Variants in CCDC6 observed in about 807,000 individuals in gnomAD.
CCDC6 encodes coiled-coil domain containing 6, also known as coiled-coil domain-containing protein 6.
A neutral mutation model predicts 56.6 loss-of-function variants in CCDC6; 20 were observed. The observed-to-expected ratio is 0.35, with a 90% CI of 0.25 to 0.51. CCDC6 has a LOEUF of 0.51. CCDC6 is among the 20% of genes least tolerant of loss of function. The probability of loss-of-function intolerance (pLI) is 0.95; values close to 1 mark genes in which losing one functional copy is unlikely to be tolerated. For synonymous variants in CCDC6, 241 were observed against 234.4 expected, an observed-to-expected ratio of 1.03 and a Z score of -0.26; for missense variants, 367 against 601.1, an observed-to-expected ratio of 0.61 and a Z score of 4.07.
At chr10:59,793,178 C>G in intron 8 of CCDC6, 67 bp from the exon 9 acceptor site, 1 of 1,353,874 alleles carries the variant, frequency 7.4e-7, no homozygotes, top group East Asian at 2.4e-5. Context: ...CTAACACAGC[C>G]TGACTTGGCA....
intron 3 of CCDC6, among the ~76,000 whole-genome samples, chr10:59,822,054 C>T (rs1486765337): frequency 6.6e-6 from 1 of 152,142 alleles, no homozygotes. Context: ...ATGAGCTAAT[C>T]AACCTTCAGA....
At chr10:59,852,733 A>G in intron 1 of CCDC6, 31 bp from the exon 2 acceptor site, 1 of 1,483,288 alleles carries the variant, frequency 6.7e-7, no homozygotes, top group Non-Finnish European at 8.9e-7. Context: ...AAAGAACAAA[A>G]CAAAACACAT....
chr10:59,874,084 G>A (rs777188339), intron 1 of CCDC6, among the ~76,000 whole-genome samples: 10 of 149,968 alleles, frequency 6.7e-5, no homozygotes, highest in Admixed American at 1.3e-4. Flanking sequence ...TGTCCGAAGC[G>A]TAGACATTCA....
intron 6 of CCDC6, among the ~76,000 whole-genome samples, chr10:59,805,916 G>A (rs1009432792): frequency 1.3e-5 from 2 of 152,156 alleles, no homozygotes; most frequent in Non-Finnish European, 2.9e-5. Flanking sequence ...TAGAAACAGA[G>A]TACAGATGTG....
rs758353540 is a variant in CCDC6, at chr10:59,906,323, G to A, written c.102C>T (p.Gly34=). Reference sequence around the variant, plus strand: ...CGCCGCCGCCTCCCCCGCCGCCACCGCCGCCGCCCGAGGTCGACGAGCAGG... The same window carrying A: ...CGCCGCCGCCTCCCCCGCCGCCACCACCGCCGCCCGAGGTCGACGAGCAGG... ...QSSCSSTSGG[G]GGGGGGGGGG... The change falls in exon 1 of 9, where the codon GGC becomes GGT. Residue 34 remains glycine (G), a synonymous_variant. Coordinates refer to ENST00000263102, the MANE Select transcript of CCDC6 (RefSeq NM_005436.5). The A allele has an allele frequency of 6.2e-6, 10 of 1,600,430 alleles. No individual in the cohort carries two copies. The highest frequency in any genetic ancestry group is 4.5e-5 in the East Asian group (2 of 44,794).
chr10:59,828,750 A>G (rs915887855), intron 3 of CCDC6, among the ~76,000 whole-genome samples: 1 of 152,060 alleles, frequency 6.6e-6, no homozygotes, highest in African/African-American at 2.4e-5. Context: ...ACCAAGCCCA[A>G]CTCTGCAGCA....
At chr10:59,808,656 T>C (rs1244050532) in intron 5 of CCDC6, among the ~76,000 whole-genome samples, 1 of 152,242 alleles carries the variant, frequency 6.6e-6, no homozygotes, top group Non-Finnish European at 1.5e-5. Context: ...TGCTGTTCCA[T>C]ATTGTCAGTT....
At chr10:59,878,033 C>T (rs765101092) in intron 1 of CCDC6, among the ~76,000 whole-genome samples, 1 of 152,106 alleles carries the variant, frequency 6.6e-6, no homozygotes, top group Non-Finnish European at 1.5e-5. Context: ...AATTTAGATG[C>T]CATTTCAAAG....
At chr10:59,820,900 C>T (rs537325744) in intron 3 of CCDC6, among the ~76,000 whole-genome samples, 11 of 148,746 alleles carry the variant, frequency 7.4e-5, no homozygotes, top group Admixed American at 5.4e-4. Flanking sequence ...TAAGAAAACA[C>T]GAGAGTGTGT....
intron 7 of CCDC6, among the ~76,000 whole-genome samples, chr10:59,802,707 T>C (rs2070588622): frequency 6.6e-6 from 1 of 152,230 alleles, no homozygotes; most frequent in South Asian, 2.1e-4. Context: ...GGTCCCACTA[T>C]GGGAACAGGT....
intron 1 of CCDC6, among the ~76,000 whole-genome samples, chr10:59,880,744 T>A (rs375630575): frequency 7.9e-5 from 12 of 152,220 alleles, no homozygotes. Flanking sequence ...TGTCCACTAT[T>A]TAGGCCAGTT....
chr10:59,810,424 T>C (rs919850500), intron 5 of CCDC6, among the ~76,000 whole-genome samples: 5 of 152,134 alleles, frequency 3.3e-5, no homozygotes, highest in Non-Finnish European at 7.4e-5. Context: ...GAGATAGTAG[T>C]AAGCATACAT....
In CCDC6 at chr10:59,806,957, G is replaced by C. The variant is rs568381964; in HGVS notation, c.969C>G (p.Ser323=). The change falls in exon 6 of 9, where the codon TCC becomes TCG. Residue 323 remains serine, a synonymous_variant. Transcript: ENST00000263102. The part of the protein sequence containing the change: ...ERREALCRQL[S]ESESSLEMDD... The stretch of plus-strand genomic sequence containing the variant: ...CCATTTCTAAGCTGGACTCACTCTC[G>C]GAGAGCTGTCGACAGAGGGCTTCTC... 1 of 1,613,806 alleles carries C rather than the reference G, an allele frequency of 6.2e-7. No homozygotes were observed. The highest frequency in any genetic ancestry group is 8.5e-7 in the Non-Finnish European group (1 of 1,179,950).
intron 1 of CCDC6, among the ~76,000 whole-genome samples, chr10:59,881,627 G>A (rs1382164062): frequency 6.6e-6 from 1 of 152,178 alleles, no homozygotes; most frequent in Non-Finnish European, 1.5e-5. Context: ...GAGAAAAAAA[G>A]TCCAATATTC....
chr10:59,855,356 A>G (rs1404366464), intron 1 of CCDC6, among the ~76,000 whole-genome samples: 2 of 152,230 alleles, frequency 1.3e-5, no homozygotes, highest in African/African-American at 4.8e-5. Flanking sequence ...TCACGAGGTC[A>G]GGAGTTCAAG....
intron 1 of CCDC6, among the ~76,000 whole-genome samples, chr10:59,877,831 CA>C (rs1361827871): frequency 6.6e-6 from 1 of 152,104 alleles, no homozygotes; most frequent in Non-Finnish European, 1.5e-5. Flanking sequence ...TAACCAGAGC[CA>C]AGCAACAACA....
intron 5 of CCDC6, 148 bp from the exon 6 acceptor site, chr10:59,807,226 T>C: frequency 1.4e-6 from 1 of 693,508 alleles, no homozygotes; most frequent in Non-Finnish European, 2.4e-6. Context: ...GGCTCACACT[T>C]GTAATCCTGG....
intron 1 of CCDC6, among the ~76,000 whole-genome samples, chr10:59,859,465 G>A (rs1363013006): frequency 6.6e-6 from 1 of 152,014 alleles, no homozygotes; most frequent in Non-Finnish European, 1.5e-5. Context: ...AGCAGCAAGA[G>A]ACTAACACAA....
At chr10:59,882,590 C>CCGG (rs2071351559) in intron 1 of CCDC6, among the ~76,000 whole-genome samples, 10 of 11,546 alleles carry the variant, frequency 8.7e-4, no homozygotes, top group South Asian at 3.9e-3. Context: ...AGGAAAGCCG[C>CCGG]GGGGAGAAGG....
Sources: allele counts gnomAD v4.1 joint callset (sites outside exome capture counted in the v4.1 genomes callset), GRCh38; gene constraint gnomAD v4.1.1; transcripts MANE v1.5; gene names NCBI Gene and HGNC (gene_info 2026-07-23, HGNC 2026-07-21).